Variants in NPAS3 observed in about 807,000 individuals in gnomAD.
The protein encoded by NPAS3 is neuronal PAS domain-containing protein 3.
In NPAS3, 14 loss-of-function variants were observed where a neutral mutation model predicts 73.1. That is an observed-to-expected ratio of 0.19 (90% CI 0.13 to 0.30). NPAS3 has a LOEUF of 0.30. Ranked by LOEUF, NPAS3 falls within the 10% of genes least tolerant of loss-of-function variation. The pLI is 1.00. For missense variants in NPAS3, 1,096 were observed against 1,250.0 expected (o/e 0.88, Z 1.86); for synonymous variants, 620 against 541.5 (o/e 1.14, Z -2.01).
chr14:33,674,382 G>A lies in NPAS3; in HGVS notation c.559-1829G>A, dbSNP rs182747956. Among the ~76,000 whole-genome samples the A allele has an allele frequency of 7.9e-5, 12 of 152,314 alleles. No homozygotes were observed. The East Asian group carries it at 1.2e-3, about 15-fold the overall frequency. On this transcript the variant is annotated intron_variant, in intron 5 of 11. Transcript: ENST00000356141. Reference sequence around the variant, plus strand: ...GCTACAATTGGACTCCATGCAAAACGAGAGTGACTTCCTCATATTCACTAA... The same window carrying A: ...GCTACAATTGGACTCCATGCAAAACAAGAGTGACTTCCTCATATTCACTAA...
At chr14:33,145,539 A>G in intron 2 of NPAS3, among the ~76,000 whole-genome samples, 1 of 152,124 alleles carries the variant, frequency 6.6e-6, no homozygotes, top group East Asian at 1.9e-4. Context: ...GGTGTCACTC[A>G]AATGATAGAT....
chr14:33,621,112 A>G lies in NPAS3; in HGVS notation c.559-55099A>G, dbSNP rs180963270. On this transcript the variant is annotated intron_variant, in intron 5 of 11. Transcript: ENST00000356141. ...TGCCCTGACAAACTTTCTAACTGCA[A>G]TACGTGAAAAGGTGAGATTGAAGAT... Among the ~76,000 whole-genome samples, 36 of 152,268 alleles carry G rather than the reference A, an allele frequency of 2.4e-4. 1 individual carries two copies. The highest frequency in any genetic ancestry group is 3.3e-4 in the Admixed American group (5 of 15,288).
intron 1 of NPAS3, among the ~76,000 whole-genome samples, chr14:33,001,780 A>G (rs1239484775): frequency 6.6e-6 from 1 of 152,194 alleles, no homozygotes; most frequent in Non-Finnish European, 1.5e-5. Context: ...TTGCTGCTAC[A>G]TAAATAATCA....
intron 1 of NPAS3, among the ~76,000 whole-genome samples, chr14:33,039,633 G>A (rs1276435371): frequency 6.6e-6 from 1 of 152,196 alleles, no homozygotes; most frequent in South Asian, 2.1e-4. Context: ...AACAGTCTGG[G>A]TCTGCCACAG....
At chr14:33,078,224 C>T (rs539836851) in intron 2 of NPAS3, among the ~76,000 whole-genome samples, 4 of 152,010 alleles carry the variant, frequency 2.6e-5, no homozygotes, top group Non-Finnish European at 4.4e-5. Context: ...GACGGAACTG[C>T]GGACAATCAG....
chr14:33,742,723 A>C (rs181047405), intron 7 of NPAS3, among the ~76,000 whole-genome samples: 19 of 152,342 alleles, frequency 1.2e-4, no homozygotes, highest in African/African-American at 4.6e-4. Flanking sequence ...TGTAACATGC[A>C]ATGATGTTTG....
At chr14:33,475,549 T>TAAAAAA (rs5807728) in intron 4 of NPAS3, among the ~76,000 whole-genome samples, 1 of 112,710 alleles carries the variant, frequency 8.9e-6, no homozygotes, top group African/African-American at 3.0e-5. Flanking sequence ...AACTAAGATC[T>TAAAAAA]AAAAAAAAAA....
At chr14:33,153,945 T>TA (rs2044553636) in intron 2 of NPAS3, among the ~76,000 whole-genome samples, 1 of 152,224 alleles carries the variant, frequency 6.6e-6, no homozygotes, top group Admixed American at 6.5e-5. Context: ...TCCCAGTTCT[T>TA]ACGGGTTTAT....
intron 4 of NPAS3, among the ~76,000 whole-genome samples, chr14:33,373,852 A>G (rs995387259): frequency 6.6e-6 from 1 of 152,176 alleles, no homozygotes; most frequent in African/African-American, 2.4e-5. Context: ...GCCTCCAAGA[A>G]CATTCTAAGA....
At chr14:33,220,051 A>G (rs2047366838) in intron 3 of NPAS3, among the ~76,000 whole-genome samples, 1 of 152,204 alleles carries the variant, frequency 6.6e-6, no homozygotes, top group South Asian at 2.1e-4. Flanking sequence ...GAATCAGTAC[A>G]TGGCCATGGA....
At position 33,470,523 on chromosome 14, in the gene NPAS3, A is replaced by G. The variant is rs148850167; in HGVS notation, c.469-89598A>G. Reference sequence around the variant, plus strand: ...CTGGAAACCAAATCTCACATCAGATAGAAATAACCAAGGAATAGGGGAGGA... The same window carrying G: ...CTGGAAACCAAATCTCACATCAGATGGAAATAACCAAGGAATAGGGGAGGA... On this transcript the variant is annotated intron_variant, in intron 4 of 11. Coordinates refer to ENST00000356141, the Ensembl canonical transcript of NPAS3. Among the ~76,000 whole-genome samples, 31 of 152,304 alleles carry G rather than the reference A, an allele frequency of 2.0e-4. 1 individual carries two copies. The highest frequency in any genetic ancestry group is 7.5e-4 in the African/African-American group (31 of 41,568).
At chr14:33,046,646 G>T (rs1015469577) in intron 1 of NPAS3, among the ~76,000 whole-genome samples, 1 of 152,100 alleles carries the variant, frequency 6.6e-6, no homozygotes, top group African/African-American at 2.4e-5. Context: ...GAAGGTGTGG[G>T]GCTGATCTCC....
At chr14:33,316,280 C>T (rs1046375762) in intron 3 of NPAS3, among the ~76,000 whole-genome samples, 3 of 152,004 alleles carry the variant, frequency 2.0e-5, no homozygotes, top group African/African-American at 4.8e-5. Context: ...TTTAAAATCA[C>T]GCGTGGGCTT....
chr14:33,605,600 T>C (rs1446216867), intron 5 of NPAS3, among the ~76,000 whole-genome samples: 1 of 152,034 alleles, frequency 6.6e-6, no homozygotes, highest in African/African-American at 2.4e-5. Flanking sequence ...CAATCACAAG[T>C]TGAAAAGAAT....
At chr14:33,615,651 C>T (rs1409307128) in intron 5 of NPAS3, among the ~76,000 whole-genome samples, 1 of 152,112 alleles carries the variant, frequency 6.6e-6, no homozygotes, top group Non-Finnish European at 1.5e-5. Flanking sequence ...TCATGTGCCC[C>T]TTTGCTATAA....
chr14:33,776,445 A>G (rs1474658130), intron 8 of NPAS3, among the ~76,000 whole-genome samples: 2 of 141,002 alleles, frequency 1.4e-5, no homozygotes, highest in South Asian at 4.6e-4. Flanking sequence ...AGCTCCATGG[A>G]CCCGAGTGCC....
intron 2 of NPAS3, among the ~76,000 whole-genome samples, chr14:33,068,807 A>G (rs531272562): frequency 1.3e-5 from 2 of 152,146 alleles, no homozygotes; most frequent in Non-Finnish European, 2.9e-5. Flanking sequence ...TCCAGGTAGA[A>G]TGGACAACCA....
At chr14:33,014,307 A>G (rs2139666007) in intron 1 of NPAS3, among the ~76,000 whole-genome samples, 1 of 152,340 alleles carries the variant, frequency 6.6e-6, no homozygotes, top group Admixed American at 6.5e-5. Context: ...ATTCTATTTC[A>G]TAATATGCTT....
intron 4 of NPAS3, among the ~76,000 whole-genome samples, chr14:33,371,312 T>G (rs113830940): frequency 1.3e-5 from 2 of 151,760 alleles, no homozygotes; most frequent in African/African-American, 4.8e-5. Flanking sequence ...TGATAGGAGG[T>G]AAAGGAGAAG....
Sources: gnomAD v4.1 joint callset for allele counts (sites outside exome capture counted in the v4.1 genomes callset) on GRCh38, gnomAD v4.1.1 for gene constraint, MANE v1.5 for transcripts, NCBI Gene and HGNC (gene_info 2026-07-23, HGNC 2026-07-21) for gene names.